Variants in CSMD3 observed in about 807,000 individuals in gnomAD.
The protein encoded by CSMD3 is CUB and Sushi multiple domains 3, also known as CUB and sushi domain-containing protein 3.
In CSMD3, 177 loss-of-function variants were observed where a neutral mutation model predicts 435.2. That is an observed-to-expected ratio of 0.41 (90% CI 0.36 to 0.46). CSMD3 has a LOEUF of 0.46. Ranked by LOEUF, CSMD3 falls within the 20% of genes least tolerant of loss-of-function variation. The pLI is 0.34. For synonymous variants in CSMD3, 1,656 were observed against 1,520.5 expected (o/e 1.09, Z -2.07); for missense variants, 4,265 against 4,504.6 (o/e 0.95, Z 1.52).
chr8:112,743,309 T>A lies in CSMD3; in HGVS notation c.1973-53259A>T, dbSNP rs867535696. On this transcript the variant is annotated intron_variant, in intron 13 of 70. Coordinates refer to ENST00000297405, the MANE Select transcript of CSMD3 (RefSeq NM_198123.2). ...TTACATTCTCACCAAAAAAAAAAAA[T>A]AAATAAATAAAAAGAAGACATATGA... Among the ~76,000 whole-genome samples, 350 of 150,128 alleles carry A rather than the reference T, an allele frequency of 2.3e-3. 1 individual carries two copies. The highest frequency in any genetic ancestry group is 3.4e-3 in the Non-Finnish European group (229 of 67,484).
rs139065881 is a variant in CSMD3 at position 112,934,385 on chromosome 8, T to C, written c.1509-12634A>G. Among the ~76,000 whole-genome samples, 469 of 152,278 alleles carry C rather than the reference T, an allele frequency of 3.1e-3. 1 individual carries two copies. Among genetic ancestry groups the C allele is most frequent in the African/African-American group, 0.01 (435 of 41,566 alleles). Reference sequence around the variant, plus strand: ...TTTTTGGGTTGCTGAATAGAACACATAGGTTGCTACAGTATACTTTAAATT... The same window carrying C: ...TTTTTGGGTTGCTGAATAGAACACACAGGTTGCTACAGTATACTTTAAATT... On this transcript the variant is annotated intron_variant, in intron 9 of 70. Transcript: ENST00000297405.
chr8:112,371,708 T>G (rs1828412712), intron 38 of CSMD3, among the ~76,000 whole-genome samples: 1 of 151,844 alleles, frequency 6.6e-6, no homozygotes, highest in Non-Finnish European at 1.5e-5. Context: ...ACCTACATGG[T>G]GAAACCCTGT....
At chr8:112,396,625 G>A (rs1830882734) in intron 35 of CSMD3, among the ~76,000 whole-genome samples, 1 of 152,084 alleles carries the variant, frequency 6.6e-6, no homozygotes, top group Admixed American at 6.6e-5. Flanking sequence ...AAATATTCAG[G>A]AAATTGATAC....
chr8:112,240,266 A>G (rs1813992576), intron 66 of CSMD3, among the ~76,000 whole-genome samples: 2 of 152,042 alleles, frequency 1.3e-5, no homozygotes, highest in East Asian at 1.9e-4. Context: ...TTAATTTATT[A>G]TTTAATATAT....
intron 13 of CSMD3, among the ~76,000 whole-genome samples, chr8:112,747,933 C>G (rs370835823): frequency 2.8e-5 from 4 of 145,220 alleles, no homozygotes; most frequent in African/African-American, 1.0e-4. Flanking sequence ...ACAGCACTCC[C>G]GCCTGGGCGA....
chr8:112,434,115 C>T (rs189452101), intron 32 of CSMD3, among the ~76,000 whole-genome samples: 118 of 152,118 alleles, frequency 7.8e-4, no homozygotes, highest in Middle Eastern at 6.8e-3. Context: ...AAAGTTATTC[C>T]AGACAGTGTG....
At chr8:112,719,858 A>T (rs1162252106) in intron 13 of CSMD3, among the ~76,000 whole-genome samples, 3 of 152,218 alleles carry the variant, frequency 2.0e-5, no homozygotes, top group Admixed American at 2.0e-4. Context: ...AGCACTAAAA[A>T]ATTAAAGGAA....
chr8:113,006,262 A>T (rs2086051265), intron 6 of CSMD3, among the ~76,000 whole-genome samples: 1 of 151,978 alleles, frequency 6.6e-6, no homozygotes, highest in African/African-American at 2.4e-5. Flanking sequence ...TTACTCTTGA[A>T]GATTTGTCTC....
chr8:112,619,125 T>C (rs1833873007), intron 22 of CSMD3, among the ~76,000 whole-genome samples: 1 of 152,126 alleles, frequency 6.6e-6, no homozygotes, highest in South Asian at 2.1e-4. Flanking sequence ...CAACAGCTGA[T>C]AATATTACTT....
intron 22 of CSMD3, among the ~76,000 whole-genome samples, chr8:112,626,942 T>C (rs1016686444): frequency 1.3e-5 from 2 of 152,120 alleles, no homozygotes; most frequent in Admixed American, 6.6e-5. Context: ...CTAGTGAAAA[T>C]TGCTTAACCT....
Position 112,408,505 on chromosome 8 carries a change from AATGTCAATCT to A in CSMD3, c.5510-102_5510-93del. 5 of 854,094 alleles carry A rather than the reference AATGTCAATCT, an allele frequency of 5.9e-6. No individual in the cohort carries two copies. In the South Asian group the frequency reaches 6.7e-5, roughly 11 times the overall value. 52.9% of individuals were successfully genotyped at this position (854,094 alleles called of 1,614,324 possible). A position where few individuals can be genotyped will look rare whatever the true frequency, so the allele number is the denominator to read the frequency against. ...TTATAATCTTACACTGTCATTTGAA[AATGTCAATCT>A]ATGTTCTATCAAATTACTTTAAAAT... On this transcript the variant is annotated intron_variant, in intron 33 of 70. Coordinates refer to ENST00000297405, the MANE Select transcript of CSMD3 (RefSeq NM_198123.2).
intron 22 of CSMD3, among the ~76,000 whole-genome samples, chr8:112,600,166 C>A (rs1832199513): frequency 6.6e-6 from 1 of 151,808 alleles, no homozygotes; most frequent in Non-Finnish European, 1.5e-5. Context: ...AATATAATAA[C>A]TCAAGACATG....
chr8:113,006,565 C>G (rs1262917070), intron 6 of CSMD3, among the ~76,000 whole-genome samples: 1 of 151,826 alleles, frequency 6.6e-6, no homozygotes, highest in Admixed American at 6.6e-5. Flanking sequence ...TCTAAGCAAA[C>G]TCATACAGAA....
intron 3 of CSMD3, among the ~76,000 whole-genome samples, chr8:113,247,541 A>G (rs2132277665): frequency 6.6e-6 from 1 of 152,254 alleles, no homozygotes; most frequent in Non-Finnish European, 1.5e-5. Flanking sequence ...TAAACACACC[A>G]GATTGTTGAA....
chr8:112,905,970 G>C (rs750324028), intron 10 of CSMD3, among the ~76,000 whole-genome samples: 2 of 151,398 alleles, frequency 1.3e-5, no homozygotes, highest in Non-Finnish European at 3.0e-5. Flanking sequence ...ACATGAATGA[G>C]ATTCATGCTT....
At chr8:112,785,544 T>C (rs2078516407) in intron 13 of CSMD3, among the ~76,000 whole-genome samples, 1 of 152,056 alleles carries the variant, frequency 6.6e-6, no homozygotes. Context: ...TTAGAACTGA[T>C]TTTAAAATTC....
chr8:112,956,923 C>T (rs1439542803), intron 7 of CSMD3, among the ~76,000 whole-genome samples: 3 of 151,956 alleles, frequency 2.0e-5, no homozygotes, highest in African/African-American at 7.3e-5. Flanking sequence ...GATGAAAGGT[C>T]AGGAGAATAT....
intron 59 of CSMD3, among the ~76,000 whole-genome samples, chr8:112,276,024 C>T (rs372085166): frequency 2.9e-4 from 44 of 152,154 alleles, no homozygotes; most frequent in African/African-American, 9.9e-4. Flanking sequence ...CACCTATGAA[C>T]CTATAAAATC....
At chr8:112,613,965 G>A (rs965106331) in intron 22 of CSMD3, among the ~76,000 whole-genome samples, 12 of 151,992 alleles carry the variant, frequency 7.9e-5, no homozygotes, top group African/African-American at 2.9e-4. Context: ...GTAGAATTTT[G>A]TTTTTATTTA....
Sources: gnomAD v4.1 joint callset for allele counts (sites outside exome capture counted in the v4.1 genomes callset) on GRCh38, gnomAD v4.1.1 for gene constraint, MANE v1.5 for transcripts, NCBI Gene and HGNC (gene_info 2026-07-23, HGNC 2026-07-21) for gene names.